LRRIQ1: variants seen among roughly 807,000 people sequenced by gnomAD.
LRRIQ1 encodes leucine rich repeats and IQ motif containing 1, also known as leucine-rich repeat- and IQ domain-containing protein 1.
A neutral mutation model predicts 211.9 loss-of-function variants in LRRIQ1; 210 were observed. The ratio of observed to expected loss-of-function variants is 0.99; its 90% confidence interval spans 0.89 to 1.11. The LOEUF is 1.11. Among genes scored for constraint, LRRIQ1 ranks in the 50% most tolerant of loss-of-function variants. The pLI, the probability that LRRIQ1 is intolerant of heterozygous loss-of-function variation, is 0.00. For missense variants in LRRIQ1, 2,136 were observed against 1,939.5 expected (o/e 1.10, Z -1.90); for synonymous variants, 699 against 650.1 (o/e 1.08, Z -1.14).
intron 26 of LRRIQ1, among the ~76,000 whole-genome samples, chr12:85,240,177 G>A (rs566501884): frequency 3.3e-5 from 5 of 152,040 alleles, no homozygotes; most frequent in African/African-American, 7.2e-5. Flanking sequence ...CCACATTATC[G>A]GAGAAACATT....
At chr12:85,092,079 C>T (rs1452275674) in intron 11 of LRRIQ1, among the ~76,000 whole-genome samples, 1 of 152,184 alleles carries the variant, frequency 6.6e-6, no homozygotes, top group East Asian at 1.9e-4. Flanking sequence ...ATCTAGGTTG[C>T]ACACTCCTTA....
chr12:85,205,299 T>C (rs1420340533), intron 24 of LRRIQ1, among the ~76,000 whole-genome samples: 2 of 152,240 alleles, frequency 1.3e-5, no homozygotes, highest in Non-Finnish European at 2.9e-5. Flanking sequence ...AATAGACTAA[T>C]ACAGAATTCC....
At chr12:85,049,618 T>C (rs1880059504) in intron 6 of LRRIQ1, among the ~76,000 whole-genome samples, 1 of 152,206 alleles carries the variant, frequency 6.6e-6, no homozygotes. Context: ...CATTCTTATG[T>C]TTTTCTTTAG....
chr12:85,232,512 A>T (rs1243026322), intron 25 of LRRIQ1, among the ~76,000 whole-genome samples, 184 bp from the exon 26 acceptor site: 1 of 152,144 alleles, frequency 6.6e-6, no homozygotes, highest in Non-Finnish European at 1.5e-5. Flanking sequence ...TCTCAAATTG[A>T]TTTTTTTAAA....
chr12:85,072,654 A>T (rs1467949575), intron 10 of LRRIQ1, among the ~76,000 whole-genome samples: 27 of 149,686 alleles, frequency 1.8e-4, no homozygotes, highest in African/African-American at 6.6e-4. Flanking sequence ...TGTTTTTTTC[A>T]TTCTCTCTTT....
intron 8 of LRRIQ1, among the ~76,000 whole-genome samples, chr12:85,063,779 C>T (rs75142150): frequency 0.027 from 4,163 of 151,698 alleles, 189 homozygotes; most frequent in African/African-American, 0.095. Context: ...CACAAATAAG[C>T]GAGGATATGC....
intron 17 of LRRIQ1, among the ~76,000 whole-genome samples, chr12:85,125,106 G>A (rs1888285579): frequency 6.6e-6 from 1 of 152,204 alleles, no homozygotes; most frequent in South Asian, 2.1e-4. Context: ...GTGAACCCGG[G>A]AGGTGGAGGT....
intron 24 of LRRIQ1, among the ~76,000 whole-genome samples, chr12:85,193,385 T>C (rs1385374375): frequency 8.0e-6 from 1 of 125,070 alleles, no homozygotes; most frequent in Non-Finnish European, 1.6e-5. Context: ...TTCACCAAAG[T>C]TGAAATGAAG....
At chr12:85,065,605 A>G (rs1381339015) in intron 9 of LRRIQ1, among the ~76,000 whole-genome samples, 191 bp downstream of exon 9, 1 of 151,794 alleles carries the variant, frequency 6.6e-6, no homozygotes, top group Admixed American at 6.6e-5. Context: ...TACAACCTAA[A>G]ATGACCTATC....
Position 85,043,598 on chromosome 12 carries a change from C to G in LRRIQ1, c.245-1120C>G, listed in dbSNP as rs73379735. Among the ~76,000 whole-genome samples the G allele has an allele frequency of 8.8e-3, 1,346 of 152,120 alleles. 18 individuals are homozygous for G. Among genetic ancestry groups the G allele is most frequent in the African/African-American group, 0.031 (1,299 of 41,508 alleles). On this transcript the variant is annotated intron_variant, in intron 3 of 26. Coordinates refer to ENST00000393217, the MANE Select transcript of LRRIQ1 (RefSeq NM_001079910.2). ...ATGTCCTATGTGAGAGGGAACTACA[C>G]GGGATATGTATACCAGTAGGTGTGA...
At chr12:85,173,646 T>TAC (rs577398810) in intron 24 of LRRIQ1, among the ~76,000 whole-genome samples, 57 of 150,056 alleles carry the variant, frequency 3.8e-4, no homozygotes, top group South Asian at 2.3e-3. Flanking sequence ...CACACACACA[T>TAC]ACACACACAC....
intron 26 of LRRIQ1, among the ~76,000 whole-genome samples, chr12:85,240,326 G>T (rs1001916586): frequency 1.3e-5 from 2 of 152,152 alleles, no homozygotes; most frequent in Admixed American, 6.5e-5. Flanking sequence ...TGACAAGTAT[G>T]CAGAGCAACT....
intron 24 of LRRIQ1, among the ~76,000 whole-genome samples, chr12:85,192,505 T>C (rs1892586921): frequency 8.0e-6 from 1 of 124,256 alleles, no homozygotes; most frequent in South Asian, 2.3e-4. Flanking sequence ...TAATTATATA[T>C]AAATATATAT....
chr12:85,092,213 A>T (rs1017774423), intron 11 of LRRIQ1, among the ~76,000 whole-genome samples: 1 of 152,224 alleles, frequency 6.6e-6, no homozygotes, highest in Admixed American at 6.5e-5. Context: ...AGTGGCAAGT[A>T]ACAATCAAAC....
chr12:85,045,495 AATT>A (rs1879431689), intron 4 of LRRIQ1, among the ~76,000 whole-genome samples: 1 of 151,916 alleles, frequency 6.6e-6, no homozygotes, highest in Non-Finnish European at 1.5e-5. Flanking sequence ...ATTAATTTTC[AATT>A]ATTATACTGT....
intron 24 of LRRIQ1, among the ~76,000 whole-genome samples, chr12:85,180,377 C>T (rs1592931444): frequency 6.6e-6 from 1 of 151,708 alleles, no homozygotes; most frequent in Non-Finnish European, 1.5e-5. Context: ...TAATATTTTC[C>T]ATGAAAATTT....
Position 85,098,956 on chromosome 12 carries a change from G to A in LRRIQ1, c.3171G>A (p.Trp1057Ter). The A allele has an allele frequency of 3.2e-6, 5 of 1,570,474 alleles. No homozygotes were observed. The highest frequency in any genetic ancestry group is 1.8e-5 in the Admixed American group (1 of 55,326). ...ISTVEAFSSY[W>*]LPLLQNITIS... ...CTGTGGAAGCATTTTCTTCATACTG[G>A]CTGCCTTTACTACAAAATATTACTA... The change falls in exon 13 of 27, where the codon TGG (tryptophan) becomes TGA (stop). Residue 1057 changes from tryptophan to a stop codon, truncating the protein, a stop_gained. Coordinates refer to ENST00000393217, the MANE Select transcript of LRRIQ1 (RefSeq NM_001079910.2). LOFTEE classifies it high-confidence loss of function.
chr12:85,217,492 GTA>G (rs1214919315), intron 24 of LRRIQ1, among the ~76,000 whole-genome samples: 783 of 74,916 alleles, frequency 0.01, 19 homozygotes, highest in Admixed American at 0.044. Context: ...ATATATATAT[GTA>G]TATATATATA....
At chr12:85,073,253 C>T (rs1446424471) in intron 11 of LRRIQ1, among the ~76,000 whole-genome samples, 155 bp downstream of exon 11, 40 of 151,854 alleles carry the variant, frequency 2.6e-4, no homozygotes, top group Admixed American at 2.6e-3. Flanking sequence ...ATTTTGCAAA[C>T]ATTTCAAGGC....
Sources: allele counts gnomAD v4.1 joint callset (sites outside exome capture counted in the v4.1 genomes callset), GRCh38; gene constraint gnomAD v4.1.1; transcripts MANE v1.5; gene names NCBI Gene and HGNC (gene_info 2026-07-23, HGNC 2026-07-21).